NBEAL1: variants seen among roughly 807,000 people sequenced by gnomAD.
NBEAL1 encodes neurobeachin-like protein 1.
A neutral mutation model predicts 351.3 loss-of-function variants in NBEAL1; 273 were observed. The observed-to-expected ratio is 0.78, with a 90% CI of 0.70 to 0.86. NBEAL1 has a LOEUF of 0.86. Ranked by LOEUF, NBEAL1 falls within the 40% of genes least tolerant of loss-of-function variation. NBEAL1 has a pLI of 0.00. For synonymous variants in NBEAL1, 1,050 were observed against 1,086.4 expected (o/e 0.97, Z 0.66); for missense variants, 2,961 against 3,201.3 (o/e 0.92, Z 1.81).
chr2:203,041,174 AG>A (rs1272923414), intron 2 of NBEAL1, among the ~76,000 whole-genome samples: 2 of 152,064 alleles, frequency 1.3e-5, no homozygotes, highest in Non-Finnish European at 2.9e-5. Flanking sequence ...TTTCTATCCT[AG>A]GGTTTATTGT....
At chr2:203,050,109 A>G in intron 4 of NBEAL1, 134 bp downstream of exon 4, 1 of 742,344 alleles carries the variant, frequency 1.3e-6, no homozygotes, top group East Asian at 2.7e-5. Context: ...GGATAACATT[A>G]GGAGAAATAC....
chr2:203,165,668 G>A (rs2064110445), intron 36 of NBEAL1, among the ~76,000 whole-genome samples: 2 of 152,138 alleles, frequency 1.3e-5, no homozygotes, highest in South Asian at 4.1e-4. Flanking sequence ...TTTGGATACT[G>A]TTTAAGTAAT....
Position 203,107,874 on chromosome 2 carries a change from T to C in NBEAL1, c.1635T>C (p.Gly545=). ...TCAENLIAIH[G]SLGSQSVSSE... The stretch of plus-strand genomic sequence containing the variant: ...CTGAGAACTTGATTGCAATCCATGG[T>C]TCCTTGGGGAGTCAGTCAGTGAGCT... Residue 545 remains glycine (G), a synonymous_variant, in exon 14 of 56, where the codon GGT becomes GGC. Transcript: ENST00000683969. 1.9e-6 allele frequency: 3 copies of C among 1,554,302 alleles called. No individual in the cohort carries two copies. The highest frequency in any genetic ancestry group is 1.7e-6 in the Non-Finnish European group (2 of 1,147,726).
chr2:203,185,977 C>T (rs1240209141), intron 44 of NBEAL1, among the ~76,000 whole-genome samples: 1 of 152,176 alleles, frequency 6.6e-6, no homozygotes, highest in Non-Finnish European at 1.5e-5. Context: ...AAATTATTTT[C>T]CTCCTACATG....
At chr2:203,137,450 A>G (rs2063243647) in intron 29 of NBEAL1, among the ~76,000 whole-genome samples, 1 of 152,164 alleles carries the variant, frequency 6.6e-6, no homozygotes, top group African/African-American at 2.4e-5. Flanking sequence ...ACACCGGGGA[A>G]GTATTACATC....
At chr2:203,162,846 C>CA (rs1300006530) in intron 36 of NBEAL1, among the ~76,000 whole-genome samples, 2 of 151,912 alleles carry the variant, frequency 1.3e-5, no homozygotes, top group Admixed American at 6.6e-5. Context: ...CCAAGTCTCA[C>CA]AAAAAATATA....
chr2:203,209,668 T>G (rs572129759), intron 53 of NBEAL1, among the ~76,000 whole-genome samples: 11 of 152,080 alleles, frequency 7.2e-5, no homozygotes, highest in Admixed American at 2.0e-4. Context: ...GCCCTCAATT[T>G]TATGTTTGTT....
intron 12 of NBEAL1, among the ~76,000 whole-genome samples, chr2:203,101,432 T>C (rs2062318305): frequency 6.6e-6 from 1 of 152,232 alleles, no homozygotes; most frequent in African/African-American, 2.4e-5. Context: ...TCAGGTAATG[T>C]GATGCCTCCA....
At chr2:203,134,394 T>A (rs566563458) in intron 27 of NBEAL1, among the ~76,000 whole-genome samples, 1 of 152,316 alleles carries the variant, frequency 6.6e-6, no homozygotes, top group East Asian at 1.9e-4. Flanking sequence ...ATTCTGCACC[T>A]ATAAAGTAAC....
intron 6 of NBEAL1, among the ~76,000 whole-genome samples, chr2:203,066,135 G>T (rs918984449): frequency 4.6e-5 from 7 of 152,166 alleles, no homozygotes; most frequent in African/African-American, 1.7e-4. Context: ...ACTTTAGAAT[G>T]AGTCATTGAT....
intron 2 of NBEAL1, among the ~76,000 whole-genome samples, chr2:203,039,858 A>G (rs1414506566): frequency 6.6e-6 from 1 of 152,212 alleles, no homozygotes; most frequent in Non-Finnish European, 1.5e-5. Context: ...TCATTAGTAA[A>G]CAAACAAATG....
chr2:203,216,098 G>A (rs763017788), intron 55 of NBEAL1, among the ~76,000 whole-genome samples: 35 of 150,530 alleles, frequency 2.3e-4, no homozygotes, highest in Non-Finnish European at 4.9e-4. Flanking sequence ...GGGGATTTTT[G>A]CCCCATCTGG....
Position 203,144,870 on chromosome 2 carries a change from A to G in NBEAL1, c.5119A>G (p.Asn1707Asp). The G allele has an allele frequency of 6.2e-7, 1 of 1,602,056 alleles. No homozygotes were observed. Among genetic ancestry groups the G allele is most frequent in the Non-Finnish European group, 8.5e-7 (1 of 1,175,698 alleles). The change falls in exon 32 of 56, where the codon AAT becomes GAT. Residue 1707 changes from asparagine to aspartate, a missense_variant. Asn to Asp is a conservative substitution (Grantham distance 23, BLOSUM62 1). Coordinates refer to ENST00000683969, the MANE Select transcript of NBEAL1 (RefSeq NM_001378026.1). ...TTTTGAAGATTTTCAAGAATATTGT[A>G]ATTCAAATGAATGGCAAGTTTACAT... ...SFFEDFQEYC[N>D]SNEWQVYIEK... is the part of the protein sequence containing the mutation.
chr2:203,135,069 G>T (rs566503662), intron 27 of NBEAL1, among the ~76,000 whole-genome samples: 2 of 151,782 alleles, frequency 1.3e-5, no homozygotes, highest in Admixed American at 6.6e-5. Context: ...CCAGCTACTC[G>T]GGAGGCTGAG....
chr2:203,095,972 G>A (rs1285535667), intron 10 of NBEAL1, among the ~76,000 whole-genome samples: 2 of 151,780 alleles, frequency 1.3e-5, no homozygotes, highest in African/African-American at 4.8e-5. Context: ...CAGGCTGCCG[G>A]TCTGGAACTC....
At chr2:203,151,128 C>T (rs1411421492) in intron 34 of NBEAL1, among the ~76,000 whole-genome samples, 4 of 152,102 alleles carry the variant, frequency 2.6e-5, no homozygotes, top group African/African-American at 7.2e-5. Flanking sequence ...GCCAGGAGTT[C>T]GAGACCAGCC....
Position 203,078,064 on chromosome 2 carries a change from A to G in NBEAL1, c.684+227A>G, listed in dbSNP as rs559198548. Reference sequence around the variant, plus strand: ...ATAAACAAATTTAACAATTTTTGGTATTGTAAGTTCTTATTTATGTTAGCT... The same window carrying G: ...ATAAACAAATTTAACAATTTTTGGTGTTGTAAGTTCTTATTTATGTTAGCT... On this transcript the variant is annotated intron_variant, in intron 8 of 55. Coordinates refer to ENST00000683969, the MANE Select transcript of NBEAL1 (RefSeq NM_001378026.1). 3.3e-5 allele frequency among the ~76,000 whole-genome samples: 5 copies of G among 152,276 alleles called. No individual in the cohort carries two copies. The East Asian group carries it at 5.8e-4, about 18-fold the overall frequency.
At chr2:203,161,771 T>C (rs1220891130) in intron 36 of NBEAL1, among the ~76,000 whole-genome samples, 1 of 152,084 alleles carries the variant, frequency 6.6e-6, no homozygotes, top group Admixed American at 6.5e-5. Context: ...AGTTGAAAGC[T>C]GCAGTAAGCT....
rs1037975333 is a variant in NBEAL1, at chr2:203,062,015, A to G, written c.515+4562A>G. 4 of 331,062 alleles carry G rather than the reference A, an allele frequency of 1.2e-5. No homozygotes were observed. Among genetic ancestry groups the G allele is most frequent in the African/African-American group, 2.2e-5 (1 of 44,864 alleles). 20.5% of individuals were successfully genotyped at this position (331,062 alleles called of 1,614,324 possible). On this transcript the variant is annotated intron_variant, in intron 6 of 55. Transcript: ENST00000683969. The surrounding 1 kb of genome is among the most constrained non-coding windows in gnomAD (Gnocchi z 4.2). ...TTCATTTCACAGTCCTCACACTCAA[A>G]TAGTTTGTGTCCAGAGTGAGATATA...
Sources: gnomAD v4.1 joint callset for allele counts (sites outside exome capture counted in the v4.1 genomes callset) on GRCh38, gnomAD v4.1.1 for gene constraint, Gnocchi (gnomAD v3.1) non-coding constraint, MANE v1.5 for transcripts, NCBI Gene and HGNC (gene_info 2026-07-23, HGNC 2026-07-21) for gene names.